SPEF2: variants seen among roughly 807,000 people sequenced by gnomAD.
SPEF2 encodes the protein sperm flagella and cilia-associated protein 2.
In SPEF2, 187 loss-of-function variants were observed where a neutral mutation model predicts 224.6. The observed-to-expected ratio is 0.83, with a 90% CI of 0.74 to 0.94. The LOEUF (loss-of-function observed/expected upper bound fraction) is 0.94, where lower values mean the gene tolerates loss of function less well. Ranked by LOEUF, SPEF2 falls within the 40% of genes least tolerant of loss-of-function variation. SPEF2 has a pLI of 0.00. For synonymous variants in SPEF2, 715 were observed against 707.3 expected, an observed-to-expected ratio of 1.01 and a Z score of -0.17; for missense variants, 2,170 against 2,135.6, an observed-to-expected ratio of 1.02 and a Z score of -0.32.
At chr5:35,655,248 C>G (rs13359659) in intron 7 of SPEF2, among the ~76,000 whole-genome samples, 17,680 of 152,162 alleles carry the variant, frequency 0.12, 1,892 homozygotes, top group African/African-American at 0.28. Flanking sequence ...ACCTGAAACT[C>G]TGGGGGTGGG....
rs746898388 is a variant in SPEF2 at position 35,759,633 on chromosome 5, T to C, written c.3534T>C (p.Ser1178=). ...AAGATTATTACTGGGGAATGGAAAG[T>C]AAAATCCCAGTAGAGGACAACAAGA... ...LLQDYYWGME[S]KIPVEDNKRF... is the part of the protein sequence containing the mutation. The change falls in exon 25 of 37, where the codon AGT becomes AGC. Residue 1178 remains serine (S), a synonymous_variant. Coordinates refer to ENST00000356031, the MANE Select transcript of SPEF2 (RefSeq NM_024867.4). 1 of 1,612,162 alleles carries C rather than the reference T, an allele frequency of 6.2e-7. No individual in the cohort carries two copies. Among genetic ancestry groups the C allele is most frequent in the Non-Finnish European group, 8.5e-7 (1 of 1,178,688 alleles).
intron 28 of SPEF2, among the ~76,000 whole-genome samples, chr5:35,774,435 A>G (rs189773781): frequency 6.6e-6 from 1 of 152,310 alleles, no homozygotes; most frequent in East Asian, 1.9e-4. Flanking sequence ...TTAGGTACCT[A>G]ATTAGGAAAA....
Position 35,727,715 on chromosome 5 carries a change from A to G in SPEF2, c.2955A>G (p.Val985=), listed in dbSNP as rs1326918821. The G allele has an allele frequency of 2.5e-6, 4 of 1,613,816 alleles. No homozygotes were observed. Among genetic ancestry groups the G allele is most frequent in the Non-Finnish European group, 3.4e-6 (4 of 1,179,884 alleles). The change falls in exon 21 of 37, where the codon GTA becomes GTG. Residue 985 remains valine (V), a synonymous_variant. Coordinates refer to ENST00000356031, the MANE Select transcript of SPEF2 (RefSeq NM_024867.4). ...AATCATCAGGAGGAAAAGTACCAGT[A>G]AAGAAATCACCTGCTGACTCTACAG... The part of the protein sequence containing the change: ...KGKSSGGKVP[V]KKSPADSTDT...
chr5:35,628,352 A>G, intron 1 of SPEF2, 108 bp from the exon 2 acceptor site: 1 of 576,930 alleles, frequency 1.7e-6, no homozygotes, highest in Admixed American at 3.4e-5. Context: ...TGGCATTTTG[A>G]GTTCCAGTTA....
intron 23 of SPEF2, among the ~76,000 whole-genome samples, chr5:35,744,064 A>G (rs1474490058): frequency 6.6e-6 from 1 of 152,188 alleles, no homozygotes; most frequent in Non-Finnish European, 1.5e-5. Context: ...CTTCTACCTG[A>G]TATCAATACC....
intron 33 of SPEF2, among the ~76,000 whole-genome samples, chr5:35,796,572 A>G (rs1029676702): frequency 1.1e-4 from 16 of 151,224 alleles, no homozygotes; most frequent in Non-Finnish European, 4.4e-5. Context: ...AGATAGCGCC[A>G]CTGCAGTCAG....
At chr5:35,779,088 GT>G (rs777889503) in intron 29 of SPEF2, 28 bp from the exon 30 acceptor site, 1 of 1,545,884 alleles carries the variant, frequency 6.5e-7, no homozygotes, top group Non-Finnish European at 8.9e-7. Context: ...CTTTCATGGG[GT>G]TAACGCTATC....
At chr5:35,767,375 T>G (rs1362003078) in intron 26 of SPEF2, among the ~76,000 whole-genome samples, 1 of 152,104 alleles carries the variant, frequency 6.6e-6, no homozygotes, top group African/African-American at 2.4e-5. Context: ...ATCTTCTCTG[T>G]GTCTTTTCTG....
At chr5:35,703,807 C>A (rs1214805873) in intron 16 of SPEF2, among the ~76,000 whole-genome samples, 2 of 152,166 alleles carry the variant, frequency 1.3e-5, no homozygotes, top group Non-Finnish European at 2.9e-5. Flanking sequence ...TCACCTTGTT[C>A]TGTTATGAAT....
chr5:35,708,403 CT>C (rs1406210696), intron 18 of SPEF2, among the ~76,000 whole-genome samples: 2 of 151,984 alleles, frequency 1.3e-5, no homozygotes, highest in African/African-American at 4.8e-5. Context: ...TTCAAACAAT[CT>C]TTTATTTTTC....
At chr5:35,762,394 G>C (rs182151922) in intron 25 of SPEF2, among the ~76,000 whole-genome samples, 139 of 152,288 alleles carry the variant, frequency 9.1e-4, no homozygotes, top group Non-Finnish European at 1.6e-3. Context: ...TTGAACACAT[G>C]AATCACAGTC....
chr5:35,744,327 C>T (rs1431110587), intron 23 of SPEF2, among the ~76,000 whole-genome samples: 2 of 152,114 alleles, frequency 1.3e-5, no homozygotes, highest in Non-Finnish European at 2.9e-5. Flanking sequence ...TTAGTAGTTC[C>T]CTAATTCTTG....
At chr5:35,670,820 C>T in intron 10 of SPEF2, 1 of 977,286 alleles carries the variant, frequency 1.0e-6, no homozygotes, top group Non-Finnish European at 1.2e-6. Flanking sequence ...GTGACCAGTT[C>T]ATTAAGGGCT....
intron 10 of SPEF2, among the ~76,000 whole-genome samples, chr5:35,676,380 T>C (rs751200966): frequency 2.6e-5 from 4 of 152,170 alleles, no homozygotes; most frequent in Admixed American, 6.5e-5. Context: ...TTCCATTCAA[T>C]CAATTCCTCG....
At chr5:35,643,847 A>C (rs182101078) in intron 3 of SPEF2, among the ~76,000 whole-genome samples, 1 of 152,252 alleles carries the variant, frequency 6.6e-6, no homozygotes, top group Admixed American at 6.5e-5. Flanking sequence ...TTTACAGATG[A>C]TGAAACTAAG....
At chr5:35,752,637 TTGAC>T (rs1749832596) in intron 23 of SPEF2, among the ~76,000 whole-genome samples, 1 of 64 alleles carries the variant, frequency 0.016, no homozygotes, top group Admixed American at 0.042. Context: ...CGATTTTTAT[TTGAC>T]TGTATATGTT....
rs1465698003 is a variant in SPEF2, at chr5:35,681,022, C to T, written c.1525-10015C>T. 2.6e-5 allele frequency among the ~76,000 whole-genome samples: 4 copies of T among 152,290 alleles called. No individual in the cohort carries two copies. In the East Asian group the frequency reaches 7.7e-4, roughly 29 times the overall value. ...GCAATCGGCTTGTCCCTGGTTAAGA[C>T]ATCATTTTCTGCCCACGGTGTTTGG... On this transcript the variant is annotated intron_variant, in intron 10 of 36. Coordinates refer to ENST00000356031, the MANE Select transcript of SPEF2 (RefSeq NM_024867.4).
chr5:35,721,828 G>A (rs1743742268), intron 20 of SPEF2, among the ~76,000 whole-genome samples: 2 of 152,128 alleles, frequency 1.3e-5, no homozygotes, highest in African/African-American at 4.8e-5. Context: ...ACCAGAGAGG[G>A]CTCATCCCCT....
At chr5:35,625,977 A>G (rs1744181290) in intron 1 of SPEF2, among the ~76,000 whole-genome samples, 1 of 152,214 alleles carries the variant, frequency 6.6e-6, no homozygotes, top group Non-Finnish European at 1.5e-5. Context: ...AGATCAAGCC[A>G]ATCTTCATTT....
Sources: allele counts gnomAD v4.1 joint callset (sites outside exome capture counted in the v4.1 genomes callset), GRCh38; gene constraint gnomAD v4.1.1; transcripts MANE v1.5; gene names NCBI Gene and HGNC (gene_info 2026-07-23, HGNC 2026-07-21).